The following ZHX3 variants were observed in gnomAD, a reference collection of about 807,000 sequenced individuals.
ZHX3 encodes the protein zinc fingers and homeoboxes protein 3.
A neutral mutation model predicts 64.5 loss-of-function variants in ZHX3; 20 were observed. That is an observed-to-expected ratio of 0.31 (90% confidence interval 0.22 to 0.45). The LOEUF is 0.45. Among genes scored for constraint, ZHX3 ranks in the 20% least tolerant of loss-of-function variants. The probability of loss-of-function intolerance (pLI) is 1.00; values close to 1 mark genes in which losing one functional copy is unlikely to be tolerated. For synonymous variants in ZHX3, 423 were observed against 461.6 expected (o/e 0.92, Z 1.07); for missense variants, 1,041 against 1,195.8 (o/e 0.87, Z 1.91).
rs980190988 is a variant in ZHX3 at position 41,184,788 on chromosome 20, T to C, written c.*403A>G. 4 of 1,107,024 alleles carry C rather than the reference T, an allele frequency of 3.6e-6. No individual in the cohort carries two copies. The African/African-American group carries it at 4.7e-5, about 13-fold the overall frequency. 68.6% of individuals were successfully genotyped at this position (1,107,024 alleles called of 1,614,324 possible). ...TTTTTAGAGATGACGTAACTGACAA[T>C]GCACTGCTTGGCTAACCAAAGTTTC... On this transcript the variant is annotated 3_prime_UTR_variant, in exon 4 of 4. Transcript: ENST00000683867.
chr20:41,277,601 T>G (rs2043448402), intron 1 of ZHX3, among the ~76,000 whole-genome samples: 1 of 150,734 alleles, frequency 6.6e-6, no homozygotes, highest in South Asian at 2.1e-4. Context: ...TTTTTTTTTC[T>G]TTTTTTTTGA....
intron 2 of ZHX3, among the ~76,000 whole-genome samples, chr20:41,261,644 G>C (rs915405557): frequency 1.3e-5 from 2 of 152,202 alleles, no homozygotes. Context: ...CCCCATGCTG[G>C]ACATGTATTA....
intron 2 of ZHX3, among the ~76,000 whole-genome samples, chr20:41,222,794 G>A (rs915473863): frequency 5.9e-5 from 9 of 152,094 alleles, no homozygotes; most frequent in African/African-American, 2.2e-4. Flanking sequence ...TTTTACTTCT[G>A]AGATTACATT....
At chr20:41,266,297 C>T (rs2042842690) in intron 2 of ZHX3, among the ~76,000 whole-genome samples, 1 of 152,100 alleles carries the variant, frequency 6.6e-6, no homozygotes, top group Admixed American at 6.6e-5. Context: ...GGCTCAGTGT[C>T]ACCAGGTAGT....
intron 1 of ZHX3, among the ~76,000 whole-genome samples, chr20:41,285,590 G>A (rs537938899): frequency 6.6e-6 from 1 of 152,336 alleles, no homozygotes; most frequent in African/African-American, 2.4e-5. Flanking sequence ...GAGAAGTCCA[G>A]TTTAATTTAC....
chr20:41,213,622 G>A (rs1468371038), intron 2 of ZHX3: 2 of 152,750 alleles, frequency 1.3e-5, no homozygotes, highest in African/African-American at 4.8e-5. Context: ...TAACTGCAGA[G>A]CCCTAGCAAC....
chr20:41,230,014 C>G (rs1022417748), intron 2 of ZHX3, among the ~76,000 whole-genome samples: 2 of 152,152 alleles, frequency 1.3e-5, no homozygotes, highest in African/African-American at 4.8e-5. Context: ...AAAAGACTGT[C>G]CTATTCCCAT....
Position 41,204,019 on chromosome 20 carries a change from T to C in ZHX3, c.898A>G (p.Met300Val). ...GTTGGAATGCTGCTCAGGGGGATCA[T>C]CACTTTGGGAAGGGCCTTGGCCGTG... ...LPTAKALPKV[M>V]IPLSSIPTYN... The change falls in exon 3 of 4, where the codon ATG becomes GTG. Residue 300 changes from methionine (M) to valine (V), a missense_variant. By Grantham distance (21) the Met-to-Val change is conservative. Coordinates refer to ENST00000683867, the MANE Select transcript of ZHX3 (RefSeq NM_001384317.1). The surrounding 1 kb of genome is among the most constrained non-coding windows in gnomAD (Gnocchi z 6.6). 1 of 1,614,228 alleles carries C rather than the reference T, an allele frequency of 6.2e-7. No individual in the cohort carries two copies. The highest frequency in any genetic ancestry group is 8.5e-7 in the Non-Finnish European group (1 of 1,180,034).
At chr20:41,198,404 A>G (rs986591253) in intron 3 of ZHX3, among the ~76,000 whole-genome samples, 3 of 151,976 alleles carry the variant, frequency 2.0e-5, no homozygotes, top group Non-Finnish European at 4.4e-5. Flanking sequence ...GATCTCCTTC[A>G]ATTTTATTTG....
At chr20:41,220,569 CA>C (rs2039867122) in intron 2 of ZHX3, among the ~76,000 whole-genome samples, 2 of 152,242 alleles carry the variant, frequency 1.3e-5, no homozygotes, top group South Asian at 4.1e-4. Context: ...TCAAGTTCCA[CA>C]AAAGCTGGAT....
At chr20:41,213,738 G>A (rs1350888631) in intron 2 of ZHX3, 1 of 152,196 alleles carries the variant, frequency 6.6e-6, no homozygotes, top group Admixed American at 6.5e-5. Flanking sequence ...ACTTACTAAG[G>A]CTGAGAAGTG....
rs2036353696 is a variant in ZHX3 at position 41,184,324 on chromosome 20, C to T, written c.*867G>A. The T allele has an allele frequency of 3.3e-5, 5 of 151,732 alleles. No homozygotes were observed. The highest frequency in any genetic ancestry group is 3.3e-4 in the Admixed American group (5 of 15,214). The allele number at this position is 151,732 out of a possible 1,614,324, so 9.4% of individuals were successfully genotyped here. A position where few individuals can be genotyped will look rare whatever the true frequency, so the allele number is the denominator to read the frequency against. On this transcript the variant is annotated 3_prime_UTR_variant, in exon 4 of 4. Coordinates refer to ENST00000683867, the MANE Select transcript of ZHX3 (RefSeq NM_001384317.1). ...TTTTCCATCTTTCTCTCACTCCAAACATGTCTAGATTAAAAAAAAAATGCA... is the reference window on the plus strand; with the variant it reads ...TTTTCCATCTTTCTCTCACTCCAAATATGTCTAGATTAAAAAAAAAATGCA...
chr20:41,182,267 A>C lies in ZHX3; in HGVS notation c.*2924T>G, dbSNP rs2036278122. ...CTATCTCTGACGAGTCCAACTGCATACAGAGAAAAGGGATAAGATTAGCCA... is the reference window on the plus strand; with the variant it reads ...CTATCTCTGACGAGTCCAACTGCATCCAGAGAAAAGGGATAAGATTAGCCA... On this transcript the variant is annotated 3_prime_UTR_variant, in exon 4 of 4. Coordinates refer to ENST00000683867, the MANE Select transcript of ZHX3 (RefSeq NM_001384317.1). This position sits in a 1 kb window ranked among gnomAD's most constrained non-coding sequence, Gnocchi z 6.1. The C allele has an allele frequency of 6.6e-6, 1 of 152,272 alleles. No individual in the cohort carries two copies. Among genetic ancestry groups the C allele is most frequent in the African/African-American group, 2.4e-5 (1 of 41,478 alleles). 9.4% of individuals were successfully genotyped at this position (152,272 alleles called of 1,614,324 possible).
At chr20:41,196,342 TATAA>T (rs974844636) in intron 3 of ZHX3, among the ~76,000 whole-genome samples, 124 of 106,572 alleles carry the variant, frequency 1.2e-3, no homozygotes, top group African/African-American at 3.6e-3. Flanking sequence ...TTATTTCATA[TATAA>T]ATATATATCT....
chr20:41,209,313 T>C (rs2038975820), intron 2 of ZHX3, among the ~76,000 whole-genome samples: 2 of 152,170 alleles, frequency 1.3e-5, no homozygotes, highest in African/African-American at 4.8e-5. Flanking sequence ...TACCAATGAC[T>C]TTCTTCACAG....
Position 41,224,812 on chromosome 20 carries a change from A to C in ZHX3, c.-150-19746T>G, listed in dbSNP as rs187314663. 2.6e-5 allele frequency among the ~76,000 whole-genome samples: 4 copies of C among 152,368 alleles called. No individual in the cohort carries two copies. The East Asian group carries it at 7.7e-4, about 29-fold the overall frequency. On this transcript the variant is annotated intron_variant, in intron 2 of 3. Transcript: ENST00000683867. The surrounding 1 kb of genome is among the most constrained non-coding windows in gnomAD (Gnocchi z 5.2). ...GAAAGGAATGTTAGACTTTCTCTGA[A>C]CATCCTATCTAAATGTCTTTGGGGG...
At chr20:41,256,207 C>T (rs369594539) in intron 2 of ZHX3, among the ~76,000 whole-genome samples, 2 of 152,012 alleles carry the variant, frequency 1.3e-5, no homozygotes, top group East Asian at 1.9e-4. Flanking sequence ...GATTTAGGCT[C>T]GGAGGAACAA....
intron 1 of ZHX3, among the ~76,000 whole-genome samples, chr20:41,297,895 G>A (rs1485097947): frequency 6.6e-6 from 1 of 152,154 alleles, no homozygotes; most frequent in African/African-American, 2.4e-5. Context: ...ACTGGTTTAA[G>A]ATGCACTTAC....
rs2040725093 is a variant in ZHX3, at chr20:41,232,985, A to T, written c.-150-27919T>A. On this transcript the variant is annotated intron_variant, in intron 2 of 3. Coordinates refer to ENST00000683867, the MANE Select transcript of ZHX3 (RefSeq NM_001384317.1). The surrounding 1 kb of genome is among the most constrained non-coding windows in gnomAD (Gnocchi z 5.0). ...CAAGGCTGGTCTTAGGGTTCGTTTA[A>T]TCGCTACATCCATCTTTATCAAGCA... Among the ~76,000 whole-genome samples the T allele has an allele frequency of 6.6e-6, 1 of 152,242 alleles. No individual in the cohort carries two copies. Among genetic ancestry groups the T allele is most frequent in the Non-Finnish European group, 1.5e-5 (1 of 68,040 alleles).
Sources: allele counts gnomAD v4.1 joint callset (sites outside exome capture counted in the v4.1 genomes callset), GRCh38; gene constraint gnomAD v4.1.1; non-coding constraint Gnocchi (gnomAD v3.1); transcripts MANE v1.5; gene names NCBI Gene and HGNC (gene_info 2026-07-23, HGNC 2026-07-21).